Variants in TMEM268 observed in about 807,000 individuals in gnomAD.
The protein encoded by TMEM268 is transmembrane protein 268.
Under a neutral mutation model 39.1 loss-of-function variants are expected in TMEM268, and 24 were observed. The observed-to-expected ratio is 0.61, with a 90% CI of 0.44 to 0.86. The LOEUF (loss-of-function observed/expected upper bound fraction) is 0.86, where lower values mean the gene tolerates loss of function less well. TMEM268 is among the 40% of genes least tolerant of loss of function. The pLI, the probability that TMEM268 is intolerant of heterozygous loss-of-function variation, is 0.00. For synonymous variants in TMEM268, 176 were observed against 173.5 expected, an observed-to-expected ratio of 1.01 and a Z score of -0.12; for missense variants, 409 against 428.6, an observed-to-expected ratio of 0.95 and a Z score of 0.40.
chr9:114,638,570 G>T lies in TMEM268; in HGVS notation c.693G>T (p.Gln231His), dbSNP rs766620088. ...CCTTGCTGAGAAGCAGATTGAGCCA[G>T]TTGTGTGTTGTCATGGAGACTGGGG... ...QESLLRSRLS[Q>H]LCVVMETGVS... The change falls in exon 8 of 9, where the codon CAG (glutamine) becomes CAT (histidine). Residue 231 changes from glutamine (Q) to histidine (H), a missense_variant. Gln to His is a conservative substitution (Grantham distance 24). Coordinates refer to ENST00000288502, the MANE Select transcript of TMEM268 (RefSeq NM_153045.4). The T allele has an allele frequency of 6.3e-7, 1 of 1,594,224 alleles. No homozygotes were observed. Among genetic ancestry groups the T allele is most frequent in the Non-Finnish European group, 8.5e-7 (1 of 1,171,232 alleles).
chr9:114,606,474 T>C (rs527680926), upstream of TMEM268, among the ~76,000 whole-genome samples: 15 of 152,344 alleles, frequency 9.8e-5, no homozygotes, highest in Middle Eastern at 3.4e-3. Flanking sequence ...CTGAAATCAA[T>C]GTAATGGAGC....
rs1394157716 is a variant in TMEM268 at position 114,638,674 on chromosome 9, G to A, written c.797G>A (p.Arg266Lys). Residue 266 changes from arginine (R) to lysine (K), a missense_variant, in exon 8 of 9, where the codon AGG (arginine) becomes AAG (lysine). Physicochemically the swap from Arg to Lys is conservative, Grantham distance 26. Coordinates refer to ENST00000288502, the MANE Select transcript of TMEM268 (RefSeq NM_153045.4). ...LLPGNSCPNE[R>K]PLMQTELHQL... is the part of the protein sequence containing the mutation. Reference sequence around the variant, plus strand: ...CCCGGCAATTCTTGTCCTAACGAGAGGCCACTCATGCAGACTGAGCTTCAT... The same window carrying A: ...CCCGGCAATTCTTGTCCTAACGAGAAGCCACTCATGCAGACTGAGCTTCAT... 6.2e-7 allele frequency: 1 copy of A among 1,607,184 alleles called. No individual in the cohort carries two copies. The highest frequency in any genetic ancestry group is 8.5e-7 in the Non-Finnish European group (1 of 1,177,016).
At chr9:114,616,845 G>A (rs1845735854) in intron 1 of TMEM268, among the ~76,000 whole-genome samples, 1 of 152,166 alleles carries the variant, frequency 6.6e-6, no homozygotes, top group East Asian at 1.9e-4. Context: ...CAGCTCTTGA[G>A]TTCCCTGTGG....
At chr9:114,609,235 C>T (rs550186608), upstream of TMEM268, among the ~76,000 whole-genome samples, 7 of 151,930 alleles carry the variant, frequency 4.6e-5, no homozygotes, top group East Asian at 1.9e-4. Flanking sequence ...CGCTTGAACC[C>T]GGGAGGTGGA....
chr9:114,628,784 C>A (rs1336429555), intron 5 of TMEM268, among the ~76,000 whole-genome samples: 1 of 152,164 alleles, frequency 6.6e-6, no homozygotes, highest in Non-Finnish European at 1.5e-5. Flanking sequence ...CTGGATCCCA[C>A]TGTTAGTGAC....
Position 114,644,307 on chromosome 9 carries a change from A to C in TMEM268, c.*994A>C, listed in dbSNP as rs1317786300. ...TCCCACAAAACCCCTTTATGAGTTCACGCTCTTTCCTGGACTGACATACCT... is the reference window on the plus strand; with the variant it reads ...TCCCACAAAACCCCTTTATGAGTTCCCGCTCTTTCCTGGACTGACATACCT... On this transcript the variant is annotated 3_prime_UTR_variant, in exon 9 of 9. Transcript: ENST00000288502. The C allele has an allele frequency of 6.6e-6, 1 of 152,334 alleles. No individual in the cohort carries two copies. The highest frequency in any genetic ancestry group is 2.4e-5 in the African/African-American group (1 of 41,438). 9.4% of individuals were successfully genotyped at this position (152,334 alleles called of 1,614,324 possible).
intron 2 of TMEM268, chr9:114,624,085 C>G (rs1398505358): frequency 2.7e-6 from 1 of 375,552 alleles, no homozygotes; most frequent in African/African-American, 2.1e-5. Context: ...ATGGGGACAG[C>G]TTTTGCTCTT....
At chr9:114,626,805 G>A in intron 3 of TMEM268, 94 bp from the exon 4 acceptor site, 1 of 894,592 alleles carries the variant, frequency 1.1e-6, no homozygotes, top group Admixed American at 1.8e-5. Flanking sequence ...GGACAGCCCA[G>A]AATGTGCCTA....
chr9:114,637,185 C>G, intron 7 of TMEM268, 115 bp downstream of exon 7: 1 of 631,248 alleles, frequency 1.6e-6, no homozygotes, highest in Non-Finnish European at 2.8e-6. Flanking sequence ...AGAATACCTA[C>G]GAGCAATCAG....
At chr9:114,606,143 G>A in the TMEM268 span, among the ~76,000 whole-genome samples, 1 of 152,056 alleles carries the variant, frequency 6.6e-6, no homozygotes, top group African/African-American at 2.4e-5. Context: ...AACTGCCCTT[G>A]CCTCTTCTCC....
At chr9:114,637,139 A>C in intron 7 of TMEM268, 69 bp downstream of exon 7, 1 of 1,027,104 alleles carries the variant, frequency 9.7e-7, no homozygotes. Context: ...TCATTATCTT[A>C]AGGGTGGGAA....
At chr9:114,609,878 C>T (rs1845433362), upstream of TMEM268, among the ~76,000 whole-genome samples, 1 of 152,022 alleles carries the variant, frequency 6.6e-6, no homozygotes, top group South Asian at 2.1e-4. Context: ...GAAAGAAATG[C>T]AGGCTGTGGC....
intron 5 of TMEM268, among the ~76,000 whole-genome samples, chr9:114,632,776 C>T (rs2067779096): frequency 6.6e-6 from 1 of 152,190 alleles, no homozygotes; most frequent in South Asian, 2.1e-4. Context: ...GTCCCAGGCC[C>T]TGGGTTAAGT....
chr9:114,609,898 T>C (rs1483277946), upstream of TMEM268, among the ~76,000 whole-genome samples: 3 of 152,148 alleles, frequency 2.0e-5, no homozygotes, highest in Non-Finnish European at 4.4e-5. Context: ...CATGTTTGCG[T>C]GTATGCAACA....
chr9:114,607,955 C>T (rs367737695), upstream of TMEM268, among the ~76,000 whole-genome samples: 28 of 151,924 alleles, frequency 1.8e-4, no homozygotes, highest in African/African-American at 5.1e-4. Context: ...AGGGTTTTTA[C>T]GTGTTGGGAG....
At chr9:114,619,632 C>T (rs1845868227) in intron 2 of TMEM268, among the ~76,000 whole-genome samples, 1 of 152,168 alleles carries the variant, frequency 6.6e-6, no homozygotes, top group East Asian at 1.9e-4. Flanking sequence ...ACCGGATCTG[C>T]TTGACTGCCT....
Position 114,617,282 on chromosome 9 carries a change from C to T in TMEM268, c.87C>T (p.Ser29=), listed in dbSNP as rs747146259. The change falls in exon 2 of 9, where the codon AGC becomes AGT. Residue 29 remains serine (S), a synonymous_variant. Coordinates refer to ENST00000288502, the MANE Select transcript of TMEM268 (RefSeq NM_153045.4). Reference sequence around the variant, plus strand: ...GCTGGAGTGCCCTGCCTGGAGGGAGCCCTCCTGGCTGGGGGCAAGGTAAGA... The same window carrying T: ...GCTGGAGTGCCCTGCCTGGAGGGAGTCCTCCTGGCTGGGGGCAAGGTAAGA... ...SPGWSALPGG[S]PPGWGQELHN... The T allele has an allele frequency of 1.2e-6, 2 of 1,612,850 alleles. No homozygotes were observed. Among genetic ancestry groups the T allele is most frequent in the South Asian group, 2.2e-5 (2 of 91,022 alleles).
intron 2 of TMEM268, chr9:114,622,532 C>T: frequency 1.0e-6 from 1 of 983,466 alleles, no homozygotes; most frequent in Non-Finnish European, 1.2e-6. Context: ...TGCCATTCCT[C>T]CCTGGTCTTG....
chr9:114,640,384 C>A (rs1846850599), intron 8 of TMEM268, among the ~76,000 whole-genome samples: 1 of 152,140 alleles, frequency 6.6e-6, no homozygotes, highest in South Asian at 2.1e-4. Flanking sequence ...TCAGTAGGAA[C>A]CTAGTGTCTG....
Sources: allele counts gnomAD v4.1 joint callset (sites outside exome capture counted in the v4.1 genomes callset), GRCh38; gene constraint gnomAD v4.1.1; transcripts MANE v1.5; gene names NCBI Gene and HGNC (gene_info 2026-07-23, HGNC 2026-07-21).